KSR2: variants seen among roughly 807,000 people sequenced by gnomAD.
KSR2 encodes kinase suppressor of ras 2.
KSR2 carries 25 observed loss-of-function variants against 107.8 expected under a neutral mutation model. That is an observed-to-expected ratio of 0.23 (90% confidence interval 0.17 to 0.32). KSR2 has a LOEUF of 0.32. Ranked by LOEUF, KSR2 falls within the 10% of genes least tolerant of loss-of-function variation. The pLI is 1.00. For synonymous variants in KSR2, 480 were observed against 507.0 expected, an observed-to-expected ratio of 0.95 and a Z score of 0.71; for missense variants, 887 against 1,268.9, an observed-to-expected ratio of 0.70 and a Z score of 4.57.
chr12:117,912,495 A>G (rs368487199), intron 1 of KSR2, among the ~76,000 whole-genome samples: 1 of 152,240 alleles, frequency 6.6e-6, no homozygotes. Context: ...GGAAAACCGT[A>G]ATTCTGTTTG....
chr12:117,619,011 T>C (rs1408521526), intron 5 of KSR2, among the ~76,000 whole-genome samples: 1 of 152,140 alleles, frequency 6.6e-6, no homozygotes, highest in Non-Finnish European at 1.5e-5. Flanking sequence ...CAACTCACCA[T>C]TTCTGGAAGC....
intron 4 of KSR2, among the ~76,000 whole-genome samples, chr12:117,715,510 G>A (rs887904011): frequency 2.6e-5 from 4 of 152,208 alleles, no homozygotes; most frequent in Admixed American, 2.0e-4. Flanking sequence ...CCAAGGGCCA[G>A]CCACTGGGAC....
intron 1 of KSR2, among the ~76,000 whole-genome samples, chr12:117,912,959 C>A: frequency 6.6e-6 from 1 of 152,146 alleles, no homozygotes. Flanking sequence ...GACACTGTTT[C>A]CAGCCAGTTC....
chr12:117,736,996 C>T (rs75590261), intron 4 of KSR2, among the ~76,000 whole-genome samples: 3 of 152,150 alleles, frequency 2.0e-5, no homozygotes, highest in African/African-American at 4.8e-5. Flanking sequence ...CAGGGAAAAC[C>T]GCATGGCTCC....
intron 1 of KSR2, among the ~76,000 whole-genome samples, chr12:117,870,863 G>A (rs1893627009): frequency 6.6e-6 from 1 of 152,178 alleles, no homozygotes; most frequent in Admixed American, 6.5e-5. Flanking sequence ...TTGCCCTTGA[G>A]GCAAAAGGGA....
intron 4 of KSR2, among the ~76,000 whole-genome samples, chr12:117,752,876 A>G (rs1181962712): frequency 6.6e-6 from 1 of 152,220 alleles, no homozygotes; most frequent in Non-Finnish European, 1.5e-5. Context: ...AAATCTGAAG[A>G]CATACAAATC....
intron 5 of KSR2, among the ~76,000 whole-genome samples, chr12:117,605,223 GCTGTGA>G (rs1881160415): frequency 6.6e-6 from 1 of 152,122 alleles, no homozygotes; most frequent in East Asian, 1.9e-4. Context: ...AATGAGTGTG[GCTGTGA>G]CCAGCTCATT....
chr12:117,618,390 A>G (rs1881994732), intron 5 of KSR2, among the ~76,000 whole-genome samples: 1 of 152,028 alleles, frequency 6.6e-6, no homozygotes, highest in African/African-American at 2.4e-5. Context: ...AGGAAGTTCT[A>G]TTCAGCTTCT....
At chr12:117,684,374 C>A (rs1490298711) in intron 4 of KSR2, among the ~76,000 whole-genome samples, 2 of 152,184 alleles carry the variant, frequency 1.3e-5, no homozygotes, top group Non-Finnish European at 2.9e-5. Context: ...ATAGTAACAG[C>A]TCCATAAAAA....
chr12:117,729,451 T>C (rs73398703), intron 4 of KSR2, among the ~76,000 whole-genome samples: 41,730 of 152,036 alleles, frequency 0.27, 6,902 homozygotes, highest in African/African-American at 0.47. Context: ...ATAAAGAATG[T>C]TTCCTCTGGC....
At chr12:117,516,579 T>C (rs1874393193) in intron 14 of KSR2, among the ~76,000 whole-genome samples, 1 of 152,212 alleles carries the variant, frequency 6.6e-6, no homozygotes, top group Admixed American at 6.5e-5. Flanking sequence ...TAAAAGTTAT[T>C]GAGCACTCCA....
intron 4 of KSR2, among the ~76,000 whole-genome samples, chr12:117,760,473 T>G (rs979211425): frequency 6.6e-6 from 1 of 152,252 alleles, no homozygotes; most frequent in African/African-American, 2.4e-5. Context: ...TTTTGATATA[T>G]TGGGTTGAAT....
intron 5 of KSR2, among the ~76,000 whole-genome samples, chr12:117,645,723 T>C (rs1883587282): frequency 6.6e-6 from 1 of 152,216 alleles, no homozygotes; most frequent in African/African-American, 2.4e-5. Flanking sequence ...CCTTAGTTTC[T>C]CATGAGGGCT....
intron 3 of KSR2, among the ~76,000 whole-genome samples, chr12:117,836,145 CA>C (rs1397358193): frequency 6.6e-6 from 1 of 152,030 alleles, no homozygotes; most frequent in African/African-American, 2.4e-5. Flanking sequence ...TTTTCTGCTC[CA>C]AAGTACTAAA....
intron 4 of KSR2, among the ~76,000 whole-genome samples, chr12:117,672,367 G>A (rs1188701866): frequency 2.0e-5 from 3 of 152,156 alleles, no homozygotes; most frequent in Non-Finnish European, 4.4e-5. Context: ...AGTCCTGATT[G>A]TGACCTTGAG....
chr12:117,589,896 A>T (rs1262177006), intron 5 of KSR2, among the ~76,000 whole-genome samples: 1 of 152,212 alleles, frequency 6.6e-6, no homozygotes, highest in African/African-American at 2.4e-5. Context: ...AGATCCAAAC[A>T]TCATCATCTG....
chr12:117,775,940 A>G (rs1379224802), intron 3 of KSR2, among the ~76,000 whole-genome samples: 3 of 152,194 alleles, frequency 2.0e-5, no homozygotes. Context: ...CCAGCGGGGA[A>G]AAGTGGGGAG....
intron 1 of KSR2, among the ~76,000 whole-genome samples, chr12:117,946,962 C>T (rs1896197064): frequency 6.6e-6 from 1 of 151,628 alleles, no homozygotes; most frequent in Admixed American, 6.6e-5. Flanking sequence ...GCTAGGAGTT[C>T]AAGACCAGCC....
intron 1 of KSR2, among the ~76,000 whole-genome samples, chr12:117,960,797 CTT>C (rs57298583): frequency 0.02 from 2,750 of 138,694 alleles, 80 homozygotes; most frequent in African/African-American, 0.069. Context: ...TTTCTTTTTC[CTT>C]TTTTTTTTTT....
Sources: gnomAD v4.1 joint callset for allele counts (sites outside exome capture counted in the v4.1 genomes callset) on GRCh38, gnomAD v4.1.1 for gene constraint, MANE v1.5 for transcripts, NCBI Gene and HGNC (gene_info 2026-07-23, HGNC 2026-07-21) for gene names.